PUDP: variants seen among roughly 807,000 people sequenced by gnomAD.
The protein encoded by PUDP is pseudouridine-5'-phosphatase.
PUDP carries 8 observed loss-of-function variants against 9.4 expected under a neutral mutation model. That is an observed-to-expected ratio of 0.85 (90% CI 0.50 to 1.53). The LOEUF (loss-of-function observed/expected upper bound fraction) is 1.53. Among genes scored for constraint, PUDP ranks in the 40% most tolerant of loss-of-function variants. The probability of loss-of-function intolerance (pLI) is 0.00; values close to 1 mark genes in which losing one functional copy is unlikely to be tolerated. For missense variants in PUDP, 188 were observed against 189.7 expected, an observed-to-expected ratio of 0.99 and a Z score of 0.05; for synonymous variants, 99 against 80.7, an observed-to-expected ratio of 1.23 and a Z score of -1.22.
At chrX:6,916,411 G>GTTT (rs371625779) in intron 3 of PUDP, among the ~76,000 whole-genome samples, 1,625 of 94,969 alleles carry the variant, frequency 0.017, 32 homozygotes, top group African/African-American at 0.045. Flanking sequence ...TGCATCCCCA[G>GTTT]TTTTTTTTTT....
chrX:6,918,478 A>T (rs1332647474), intron 3 of PUDP, among the ~76,000 whole-genome samples: 2 of 112,044 alleles, frequency 1.8e-5, no homozygotes, highest in Non-Finnish European at 3.8e-5. Context: ...AACATAATTT[A>T]TACCATCACG....
chrX:7,054,029 A>C (rs1481484848), intron 3 of PUDP, among the ~76,000 whole-genome samples: 2 of 112,362 alleles, frequency 1.8e-5, no homozygotes, highest in Non-Finnish European at 3.8e-5. Flanking sequence ...TGTAAGACAA[A>C]TGTCGTACAT....
At chrX:7,068,492 GAC>G (rs1307025386) in intron 3 of PUDP, among the ~76,000 whole-genome samples, 1 of 111,666 alleles carries the variant, frequency 9.0e-6, no homozygotes, top group East Asian at 2.8e-4. Context: ...CTGGGAATGA[GAC>G]CTTGAAGTCA....
intron 2 of PUDP, among the ~76,000 whole-genome samples, chrX:7,088,753 C>T (rs1931338242): frequency 8.9e-6 from 1 of 112,091 alleles, no homozygotes; most frequent in South Asian, 3.7e-4. Context: ...AACCCCTGAT[C>T]CCTTTTTTAA....
chrX:6,891,465 A>G (rs747364258), intron 3 of PUDP, among the ~76,000 whole-genome samples: 1 of 111,578 alleles, frequency 9.0e-6, no homozygotes, highest in Admixed American at 9.5e-5. Flanking sequence ...TCCATTCTCA[A>G]AGCAATCCTC....
intron 1 of PUDP, among the ~76,000 whole-genome samples, chrX:7,113,709 C>G (rs1932114603): frequency 1.8e-5 from 2 of 112,093 alleles, no homozygotes; most frequent in African/African-American, 6.5e-5. Flanking sequence ...AAAATGTACA[C>G]CACTAGTATT....
At chrX:6,790,006 G>C (rs191740045) in intron 3 of PUDP, among the ~76,000 whole-genome samples, 1 of 109,805 alleles carries the variant, frequency 9.1e-6, no homozygotes, top group African/African-American at 3.3e-5. Context: ...ATAGATCATA[G>C]AGATAGGTAG....
At chrX:6,961,589 G>A (rs1010888941) in intron 3 of PUDP, among the ~76,000 whole-genome samples, 5 of 111,272 alleles carry the variant, frequency 4.5e-5, no homozygotes, top group African/African-American at 1.6e-4. Flanking sequence ...TTACCCACAT[G>A]TGTTAAGCAT....
chrX:6,844,797 C>G (rs1024211031), intron 3 of PUDP, among the ~76,000 whole-genome samples: 1 of 112,069 alleles, frequency 8.9e-6, no homozygotes, highest in South Asian at 3.7e-4. Flanking sequence ...AGCACAAGTT[C>G]GAAAGGCTAA....
chrX:6,884,076 G>A (rs897735997), intron 3 of PUDP, among the ~76,000 whole-genome samples: 5 of 111,296 alleles, frequency 4.5e-5, no homozygotes, highest in Non-Finnish European at 7.6e-5. Flanking sequence ...TCCTGACGTC[G>A]TGATCCGCCC....
chrX:6,833,478 A>G (rs1442396394), intron 3 of PUDP, among the ~76,000 whole-genome samples: 1 of 108,043 alleles, frequency 9.3e-6, no homozygotes, highest in Non-Finnish European at 1.9e-5. Context: ...TGAAGGCACA[A>G]ATGAATGAAT....
At chrX:6,771,539 TC>T (rs777031758) in intron 3 of PUDP, among the ~76,000 whole-genome samples, 23 of 112,425 alleles carry the variant, frequency 2.0e-4, no homozygotes, top group Admixed American at 1.5e-3. Context: ...GTTTTCCTCA[TC>T]TTCCTAACCC....
intron 1 of PUDP, among the ~76,000 whole-genome samples, chrX:7,035,768 T>C (rs868500447): frequency 1.8e-5 from 2 of 112,019 alleles, no homozygotes; most frequent in Non-Finnish European, 3.8e-5. Context: ...GCACATTTTC[T>C]TTCCCTGAGG....
intron 1 of PUDP, among the ~76,000 whole-genome samples, chrX:7,125,552 TC>T (rs1319948144): frequency 2.7e-5 from 3 of 111,668 alleles, no homozygotes; most frequent in African/African-American, 9.8e-5. Flanking sequence ...CTCAATCACT[TC>T]TATTCTTTTT....
intron 3 of PUDP, among the ~76,000 whole-genome samples, chrX:6,746,434 G>A (rs1383449331): frequency 9.0e-6 from 1 of 111,692 alleles, no homozygotes; most frequent in Admixed American, 9.5e-5. Context: ...TAGTTCTGGG[G>A]CACATGTGGA....
intron 3 of PUDP, among the ~76,000 whole-genome samples, chrX:6,823,867 G>A (rs751331236): frequency 1.8e-5 from 2 of 112,468 alleles, no homozygotes; most frequent in Admixed American, 9.3e-5. Flanking sequence ...CCTGTAAACT[G>A]TCATGGCACT....
At chrX:7,146,177 C>T (rs1365620578) in intron 1 of PUDP, among the ~76,000 whole-genome samples, 1 of 111,568 alleles carries the variant, frequency 9.0e-6, no homozygotes, top group African/African-American at 3.3e-5. Context: ...CCAAATAGCA[C>T]TAATTCTTGG....
intron 3 of PUDP, among the ~76,000 whole-genome samples, chrX:6,767,386 A>G (rs1925298270): frequency 8.9e-6 from 1 of 112,818 alleles, no homozygotes; most frequent in Non-Finnish European, 1.9e-5. Flanking sequence ...AGGCCCTGCA[A>G]TGTCCTGAAT....
rs757286939 is a variant in PUDP at position 6,846,189 on chromosome X, G to C, written c.*247+130944C>G. ...GCCGAGGCGGGCGGGCGGATCACGA[G>C]GTCAGGAGATCGAGACCATCCTGGC... On this transcript the variant is annotated intron_variant and NMD_transcript_variant, in intron 3 of 3. Coordinates refer to the PUDP transcript ENST00000655425. 6.1e-4 allele frequency among the ~76,000 whole-genome samples: 67 copies of C among 110,583 alleles called. 1 individual carries two copies. The highest frequency in any genetic ancestry group is 1.1e-3 in the Non-Finnish European group (56 of 52,872).
Sources: gnomAD v4.1 joint callset for allele counts (sites outside exome capture counted in the v4.1 genomes callset) on GRCh38, gnomAD v4.1.1 for gene constraint, MANE v1.5 for transcripts, NCBI Gene and HGNC (gene_info 2026-07-23, HGNC 2026-07-21) for gene names.